JARID2: variants seen among roughly 807,000 people sequenced by gnomAD.
JARID2 encodes the protein jumonji and AT-rich interaction domain containing 2, also known as protein Jumonji.
A neutral mutation model predicts 125.6 loss-of-function variants in JARID2; 21 were observed. The ratio of observed to expected loss-of-function variants is 0.17; its 90% confidence interval spans 0.12 to 0.24. JARID2 has a LOEUF of 0.24. Among genes scored for constraint, JARID2 ranks in the 10% least tolerant of loss-of-function variants. The probability of loss-of-function intolerance (pLI) is 1.00; values close to 1 mark genes in which losing one functional copy is unlikely to be tolerated. For missense variants in JARID2, 1,303 were observed against 1,639.6 expected (o/e 0.79, Z 3.55); for synonymous variants, 736 against 661.6 (o/e 1.11, Z -1.73).
At chr6:15,249,564 A>G (rs1759357615) in intron 1 of JARID2, among the ~76,000 whole-genome samples, 1 of 152,196 alleles carries the variant, frequency 6.6e-6, no homozygotes, top group Non-Finnish European at 1.5e-5. Context: ...TAACTAAGTC[A>G]CTGAAAAGAT....
At chr6:15,513,075 A>C (rs2127766306) in intron 15 of JARID2, 30 bp downstream of exon 15, 1 of 1,613,348 alleles carries the variant, frequency 6.2e-7, no homozygotes, top group Middle Eastern at 1.7e-4. Flanking sequence ...CACGCCAGAG[A>C]GCTGGACCCG....
chr6:15,476,970 A>G (rs1212725033), intron 5 of JARID2, among the ~76,000 whole-genome samples: 1 of 152,180 alleles, frequency 6.6e-6, no homozygotes, highest in African/African-American at 2.4e-5. Flanking sequence ...TTTGAGGAGG[A>G]GACCTTGGTG....
At chr6:15,271,262 A>G (rs763966934) in intron 1 of JARID2, among the ~76,000 whole-genome samples, 1 of 152,158 alleles carries the variant, frequency 6.6e-6, no homozygotes, top group Non-Finnish European at 1.5e-5. Context: ...AGTGGGTTCT[A>G]ATCACACAAG....
chr6:15,424,961 T>A (rs2127592608), intron 3 of JARID2, among the ~76,000 whole-genome samples: 1 of 152,356 alleles, frequency 6.6e-6, no homozygotes, highest in Non-Finnish European at 1.5e-5. Context: ...TTACATATGT[T>A]AGCCCATTTT....
intron 3 of JARID2, among the ~76,000 whole-genome samples, chr6:15,413,982 A>T (rs981564414): frequency 2.0e-5 from 3 of 152,268 alleles, no homozygotes; most frequent in Non-Finnish European, 4.4e-5. Flanking sequence ...TGGAAAGAGC[A>T]TTTTCACTTT....
intron 1 of JARID2, among the ~76,000 whole-genome samples, chr6:15,320,071 T>C (rs1762302336): frequency 6.6e-6 from 1 of 152,240 alleles, no homozygotes; most frequent in Non-Finnish European, 1.5e-5. Flanking sequence ...TTTATCTTGC[T>C]GGTTTCTTCC....
chr6:15,361,892 CTTTT>C (rs58352410), intron 1 of JARID2, among the ~76,000 whole-genome samples: 4 of 121,166 alleles, frequency 3.3e-5, no homozygotes, highest in Non-Finnish European at 6.8e-5. Context: ...TGGGAGCCCC[CTTTT>C]TTTTTTTTTT....
intron 1 of JARID2, among the ~76,000 whole-genome samples, chr6:15,360,387 G>A (rs1763750110): frequency 6.6e-6 from 1 of 152,030 alleles, no homozygotes; most frequent in African/African-American, 2.4e-5. Context: ...GTTTCACCGT[G>A]TTGGCCTGGC....
chr6:15,306,584 C>T lies in JARID2; in HGVS notation c.45+60000C>T, dbSNP rs991454130. Reference sequence around the variant, plus strand: ...AACTCCTGACCTCAGGTGATCCGCCCGCCTCGGCCTCCCAAAGTACTGGGA... The same window carrying T: ...AACTCCTGACCTCAGGTGATCCGCCTGCCTCGGCCTCCCAAAGTACTGGGA... On this transcript the variant is annotated intron_variant, in intron 1 of 17. Transcript: ENST00000341776. 4.0e-5 allele frequency among the ~76,000 whole-genome samples: 6 copies of T among 151,736 alleles called. No homozygotes were observed. The South Asian group carries it at 8.3e-4, about 21-fold the overall frequency.
chr6:15,394,707 C>T (rs1054904153), intron 2 of JARID2, among the ~76,000 whole-genome samples: 2 of 152,116 alleles, frequency 1.3e-5, no homozygotes, highest in African/African-American at 4.8e-5. Context: ...TAACACCTGT[C>T]AAATGGAAAG....
chr6:15,447,248 T>C (rs1767713993), intron 3 of JARID2, among the ~76,000 whole-genome samples: 1 of 152,206 alleles, frequency 6.6e-6, no homozygotes, highest in African/African-American at 2.4e-5. Context: ...CTGGTTTACA[T>C]TTACTTGATT....
At chr6:15,506,350 G>A (rs149861738) in intron 9 of JARID2, among the ~76,000 whole-genome samples, 184 of 152,352 alleles carry the variant, frequency 1.2e-3, no homozygotes, top group African/African-American at 4.2e-3. Flanking sequence ...ATTCGTTCTT[G>A]ATTTGTGGAG....
At chr6:15,312,530 A>T (rs746608733) in intron 1 of JARID2, among the ~76,000 whole-genome samples, 1 of 152,134 alleles carries the variant, frequency 6.6e-6, no homozygotes, top group Admixed American at 6.5e-5. Flanking sequence ...CTGTGCCCCC[A>T]TGCCAGCGCC....
At chr6:15,451,501 C>T (rs545705785) in intron 3 of JARID2, among the ~76,000 whole-genome samples, 2 of 151,972 alleles carry the variant, frequency 1.3e-5, no homozygotes, top group African/African-American at 4.8e-5. Flanking sequence ...TTAGAAGTGG[C>T]GACAGGGACA....
chr6:15,403,393 C>CT (rs1273163148), intron 2 of JARID2, among the ~76,000 whole-genome samples: 2 of 152,056 alleles, frequency 1.3e-5, no homozygotes, highest in East Asian at 3.9e-4. Flanking sequence ...TTTGGTGGTT[C>CT]TTACTCATTT....
chr6:15,384,371 ATTTTTTTTT>A (rs370485500), intron 2 of JARID2, among the ~76,000 whole-genome samples: 1 of 135,388 alleles, frequency 7.4e-6, no homozygotes, highest in African/African-American at 2.7e-5. Context: ...GCCCACTTTG[ATTTTTTTTT>A]TTTTTTTTGG....
intron 1 of JARID2, among the ~76,000 whole-genome samples, chr6:15,300,722 T>TGTGTGTGTGTGTGAGA (rs1246745065): frequency 9.0e-6 from 1 of 111,118 alleles, no homozygotes; most frequent in African/African-American, 3.7e-5. Flanking sequence ...TGTGTGTGTG[T>TGTGTGTGTGTGTGAGA]GAGAGAGAGA....
chr6:15,376,820 A>G (rs995837859), intron 2 of JARID2, among the ~76,000 whole-genome samples: 1 of 152,212 alleles, frequency 6.6e-6, no homozygotes, highest in Non-Finnish European at 1.5e-5. Context: ...CAGAATTGGT[A>G]TCATGGGAAG....
At chr6:15,416,048 C>T (rs1033740394) in intron 3 of JARID2, among the ~76,000 whole-genome samples, 23 of 149,086 alleles carry the variant, frequency 1.5e-4, no homozygotes, top group Non-Finnish European at 3.3e-4. Context: ...ACATCCCAGA[C>T]GGGGCGGCGG....
Sources: allele counts gnomAD v4.1 joint callset (sites outside exome capture counted in the v4.1 genomes callset), GRCh38; gene constraint gnomAD v4.1.1; transcripts MANE v1.5; gene names NCBI Gene and HGNC (gene_info 2026-07-23, HGNC 2026-07-21).